CD109: variants seen among roughly 807,000 people sequenced by gnomAD.
CD109 encodes CD109 antigen.
CD109 carries 149 observed loss-of-function variants against 165.8 expected under a neutral mutation model. The observed-to-expected ratio is 0.90, with a 90% CI of 0.79 to 1.03. The LOEUF (loss-of-function observed/expected upper bound fraction) is 1.03, where lower values mean the gene tolerates loss of function less well. Ranked by LOEUF, CD109 falls within the 50% of genes least tolerant of loss-of-function variation. The pLI, the probability that CD109 is intolerant of heterozygous loss-of-function variation, is 0.00. For synonymous variants in CD109, 585 were observed against 592.1 expected (o/e 0.99, Z 0.18); for missense variants, 1,712 against 1,677.8 (o/e 1.02, Z -0.36).
intron 15 of CD109, 142 bp from the exon 16 acceptor site, chr6:73,780,282 C>A: frequency 1.4e-6 from 1 of 693,730 alleles, no homozygotes; most frequent in Non-Finnish European, 2.6e-6. Context: ...ATGAACAAAG[C>A]AATTACATAT....
rs1582119491 is a variant in CD109 at position 73,762,818 on chromosome 6, A to G, written c.933A>G (p.Glu311=). The G allele has an allele frequency of 1.2e-6, 2 of 1,612,544 alleles. No individual in the cohort carries two copies. Among genetic ancestry groups the G allele is most frequent in the African/African-American group, 1.3e-5 (1 of 75,028 alleles). ...NVMDSSNGLS[E]YLDLSSPGPV... ...TGGATTCTTCAAATGGACTTTCTGA[A>G]TACCTGGATCTATCTTCCCCTGGAC... is the stretch of plus-strand genomic sequence containing the variant. Residue 311 remains glutamate, a synonymous_variant, in exon 9 of 33, where the codon GAA becomes GAG. Coordinates refer to ENST00000287097, the MANE Select transcript of CD109 (RefSeq NM_133493.5).
At chr6:73,807,736 C>T (rs572027759) in intron 25 of CD109, among the ~76,000 whole-genome samples, 6 of 152,230 alleles carry the variant, frequency 3.9e-5, no homozygotes, top group East Asian at 3.9e-4. Flanking sequence ...AACTTAGGGC[C>T]GCACTACCAG....
chr6:73,757,922 CTT>C (rs1277166177), intron 6 of CD109, among the ~76,000 whole-genome samples: 1 of 151,970 alleles, frequency 6.6e-6, no homozygotes, highest in Admixed American at 6.6e-5. Flanking sequence ...TATAGGCTAT[CTT>C]TATATCCCAT....
At chr6:73,708,041 C>T (rs1016795487) in intron 2 of CD109, among the ~76,000 whole-genome samples, 4 of 145,232 alleles carry the variant, frequency 2.8e-5, no homozygotes, top group Non-Finnish European at 6.0e-5. Context: ...GGTACATGTG[C>T]ACAACATGCA....
chr6:73,798,837 C>A lies in CD109; in HGVS notation c.2879-4383C>A, dbSNP rs150297713. Among the ~76,000 whole-genome samples, 295 of 152,300 alleles carry A rather than the reference C, an allele frequency of 1.9e-3. 1 individual carries two copies. The highest frequency in any genetic ancestry group is 6.9e-3 in the African/African-American group (285 of 41,564). On this transcript the variant is annotated intron_variant, in intron 23 of 32. Coordinates refer to ENST00000287097, the MANE Select transcript of CD109 (RefSeq NM_133493.5). ...GTTTCACAATATCTCATACTTGGAA[C>A]TGCCGTTGTTGATGTGATCTGGGGG...
chr6:73,731,499 G>A (rs948844165), intron 4 of CD109, among the ~76,000 whole-genome samples: 5 of 152,234 alleles, frequency 3.3e-5, no homozygotes, highest in Admixed American at 6.5e-5. Context: ...CTGGAGCCCC[G>A]GGGCGAGGGG....
intron 30 of CD109, among the ~76,000 whole-genome samples, chr6:73,817,952 A>C (rs769085585): frequency 6.6e-6 from 1 of 152,322 alleles, no homozygotes; most frequent in East Asian, 1.9e-4. Flanking sequence ...GGGACCTATC[A>C]CTAAGTGGTC....
chr6:73,692,616 TGATATG>T (rs1770708939), upstream of CD109, among the ~76,000 whole-genome samples: 1 of 152,192 alleles, frequency 6.6e-6, no homozygotes, highest in Admixed American at 6.5e-5. Context: ...ACTTCCCCTC[TGATATG>T]GTTTGGCTGT....
At chr6:73,683,003 C>A in the CD109 span, among the ~76,000 whole-genome samples, 2 of 152,210 alleles carry the variant, frequency 1.3e-5, no homozygotes, top group Non-Finnish European at 2.9e-5. Flanking sequence ...GCTTCCAGGC[C>A]TGTGATGGGA....
At chr6:73,700,604 A>G (rs1771028670) in intron 2 of CD109, among the ~76,000 whole-genome samples, 1 of 152,054 alleles carries the variant, frequency 6.6e-6, no homozygotes, top group South Asian at 2.1e-4. Flanking sequence ...AATTGTTCAA[A>G]TGGAGAATGT....
intron 5 of CD109, among the ~76,000 whole-genome samples, chr6:73,745,999 G>T (rs905045447): frequency 6.6e-6 from 1 of 152,156 alleles, no homozygotes; most frequent in African/African-American, 2.4e-5. Context: ...CAAAGGGCTG[G>T]GATTATAGGC....
At chr6:73,743,791 G>A (rs974462919) in intron 5 of CD109, among the ~76,000 whole-genome samples, 11 of 152,340 alleles carry the variant, frequency 7.2e-5, no homozygotes, top group Admixed American at 2.6e-4. Flanking sequence ...TCTGAAATGT[G>A]GTTGTGGCTT....
chr6:73,771,091 G>A (rs1052907076), intron 14 of CD109, among the ~76,000 whole-genome samples: 2 of 152,198 alleles, frequency 1.3e-5, no homozygotes, highest in Middle Eastern at 3.4e-3. Flanking sequence ...TTTCTCCTTT[G>A]TATACTGGCC....
intron 22 of CD109, among the ~76,000 whole-genome samples, chr6:73,791,166 TATATATATATACACACAC>T (rs1298361867): frequency 2.2e-4 from 9 of 40,972 alleles, no homozygotes; most frequent in African/African-American, 9.6e-4. Flanking sequence ...TATATATATA[TATATATATATACACACAC>T]ACACATACAT....
At chr6:73,715,565 C>CAAA (rs61331986) in intron 2 of CD109, among the ~76,000 whole-genome samples, 9 of 71,054 alleles carry the variant, frequency 1.3e-4, no homozygotes, top group Non-Finnish European at 1.6e-4. Context: ...ACCCTGTCTC[C>CAAA]AAAAAAAAAA....
intron 26 of CD109, among the ~76,000 whole-genome samples, chr6:73,808,693 C>A (rs1473664267): frequency 6.6e-6 from 1 of 151,976 alleles, no homozygotes; most frequent in East Asian, 1.9e-4. Context: ...TGCTGCATAG[C>A]AAATGCTCAA....
intron 4 of CD109, among the ~76,000 whole-genome samples, chr6:73,732,672 C>T (rs1318109008): frequency 6.6e-6 from 1 of 152,072 alleles, no homozygotes; most frequent in African/African-American, 2.4e-5. Context: ...AAAGTTAGCA[C>T]TGCATAAATT....
rs765302167 is a variant in CD109 at position 73,711,534 on chromosome 6, G to GTTTT, written c.248-11703_248-11700dup. Among the ~76,000 whole-genome samples, 25 of 23,490 alleles carry GTTTT rather than the reference G, an allele frequency of 1.1e-3. 8 individuals are homozygous for GTTTT. The highest frequency in any genetic ancestry group is 1.5e-3 in the African/African-American group (25 of 17,102). The allele number at this position is 23,490 out of a possible 152,430, so 15.4% of individuals were successfully genotyped here. A position where few individuals can be genotyped will look rare whatever the true frequency, so the allele number is the denominator to read the frequency against. On this transcript the variant is annotated intron_variant, in intron 2 of 32. Coordinates refer to ENST00000287097, the MANE Select transcript of CD109 (RefSeq NM_133493.5). ...TTGTATTTTTAAAATCGTACTTTAA[G>GTTTT]TTTTTTTTTTTTTTTTTGAGACGGA...
chr6:73,740,371 G>T (rs1176751202), intron 5 of CD109, among the ~76,000 whole-genome samples: 1 of 152,148 alleles, frequency 6.6e-6, no homozygotes, highest in East Asian at 1.9e-4. Context: ...GATCCTTTAA[G>T]TAAAACATAC....
Sources: gnomAD v4.1 joint callset for allele counts (sites outside exome capture counted in the v4.1 genomes callset) on GRCh38, gnomAD v4.1.1 for gene constraint, MANE v1.5 for transcripts, NCBI Gene and HGNC (gene_info 2026-07-23, HGNC 2026-07-21) for gene names.